The following ATF6 variants were observed in gnomAD, a reference collection of about 807,000 sequenced individuals.
ATF6 encodes activating transcription factor 6.
A neutral mutation model predicts 83.6 loss-of-function variants in ATF6; 53 were observed. That is an observed-to-expected ratio of 0.63 (90% CI 0.51 to 0.80). ATF6 has a LOEUF of 0.80. ATF6 is among the 30% of genes least tolerant of loss of function. The probability of loss-of-function intolerance (pLI) is 0.00; values close to 1 mark genes in which losing one functional copy is unlikely to be tolerated. For missense variants in ATF6, 744 were observed against 797.9 expected (o/e 0.93, Z 0.81); for synonymous variants, 288 against 285.8 (o/e 1.01, Z -0.08).
chr1:161,791,557 C>A lies in ATF6; in HGVS notation c.484+20C>A, dbSNP rs1684882713. 5.1e-6 allele frequency: 8 copies of A among 1,575,938 alleles called. No individual in the cohort carries two copies. The African/African-American group carries it at 5.5e-5, about 11-fold the overall frequency. On this transcript the variant is annotated intron_variant, in intron 5 of 15. Coordinates refer to ENST00000367942, the MANE Select transcript of ATF6 (RefSeq NM_007348.4). Reference sequence around the variant, plus strand: ...AGACTGGTATTACTCTATCTCCTAACTTCTGTTATTTCTATTTCAGATTGA... The same window carrying A: ...AGACTGGTATTACTCTATCTCCTAAATTCTGTTATTTCTATTTCAGATTGA...
intron 7 of ATF6, among the ~76,000 whole-genome samples, chr1:161,804,106 T>C (rs894167575): frequency 8.6e-5 from 13 of 151,564 alleles, no homozygotes; most frequent in African/African-American, 3.2e-4. Context: ...GGTTTTTTGT[T>C]CTTGCGATAG....
intron 14 of ATF6, among the ~76,000 whole-genome samples, chr1:161,865,349 G>A (rs546025462): frequency 3.3e-5 from 5 of 151,962 alleles, no homozygotes; most frequent in South Asian, 2.1e-4. Flanking sequence ...TAGTAGAGAC[G>A]GGGTTTCACC....
rs1685334152 is a variant in ATF6 at position 161,807,863 on chromosome 1, ATCTTTTTT to A, written c.909+5593_909+5600del. Among the ~76,000 whole-genome samples the A allele has an allele frequency of 6.4e-4, 35 of 54,794 alleles. 1 individual carries two copies. The highest frequency in any genetic ancestry group is 8.3e-3 in the Middle Eastern group (1 of 120). The allele number at this position is 54,794 out of a possible 152,430, so 35.9% of individuals were successfully genotyped here. A position where few individuals can be genotyped will look rare whatever the true frequency, so the allele number is the denominator to read the frequency against. The stretch of plus-strand genomic sequence containing the variant: ...TACTTTTTGTACTTTTTAGTTTGTC[ATCTTTTTT>A]TTTTTTTTTTTTTTTTTTTTTTTTT... On this transcript the variant is annotated intron_variant, in intron 7 of 15. Coordinates refer to ENST00000367942, the MANE Select transcript of ATF6 (RefSeq NM_007348.4).
chr1:161,835,504 A>G (rs1686192052), intron 9 of ATF6, among the ~76,000 whole-genome samples: 2 of 152,142 alleles, frequency 1.3e-5, no homozygotes, highest in Admixed American at 1.3e-4. Flanking sequence ...TGTTGTGTGT[A>G]GTTTTGTATT....
chr1:161,946,437 C>G (rs780970104), intron 15 of ATF6, among the ~76,000 whole-genome samples: 64 of 152,186 alleles, frequency 4.2e-4, no homozygotes, highest in Non-Finnish European at 6.9e-4. Flanking sequence ...TCAGTGCCAC[C>G]TATTAGGAAT....
At position 161,958,442 on chromosome 1, in the gene ATF6, G is replaced by A. The variant is rs368796407; in HGVS notation, c.1805-4G>A. On this transcript the variant is annotated splice_region_variant and splice_polypyrimidine_tract_variant and intron_variant, in intron 15 of 15. Transcript: ENST00000367942. ...TTATTCTTTGTGTATATTCCTGTCTGCAGAGAATGTGATCAATGGGCAGGA... is the reference window on the plus strand; with the variant it reads ...TTATTCTTTGTGTATATTCCTGTCTACAGAGAATGTGATCAATGGGCAGGA... The A allele has an allele frequency of 3.2e-5, 51 of 1,595,592 alleles. No individual in the cohort carries two copies. The highest frequency in any genetic ancestry group is 4.3e-5 in the Non-Finnish European group (50 of 1,170,040).
intron 14 of ATF6, among the ~76,000 whole-genome samples, chr1:161,886,518 GTTTATA>G (rs1413354724): frequency 1.3e-5 from 2 of 152,158 alleles, no homozygotes; most frequent in East Asian, 3.9e-4. Context: ...GTATATCTTT[GTTTATA>G]TTTATTTTTT....
chr1:161,923,643 A>G (rs1558027157), intron 15 of ATF6, among the ~76,000 whole-genome samples: 2 of 152,134 alleles, frequency 1.3e-5, no homozygotes, highest in Admixed American at 1.3e-4. Flanking sequence ...TGCATGGGTA[A>G]TTTTTCCATG....
At chr1:161,767,088 G>A (rs980722709) in intron 1 of ATF6, among the ~76,000 whole-genome samples, 2 of 152,126 alleles carry the variant, frequency 1.3e-5, no homozygotes, top group Non-Finnish European at 2.9e-5. Flanking sequence ...GGATGAAGTG[G>A]AAATGAGAAT....
At chr1:161,835,268 C>T (rs1365979929) in intron 9 of ATF6, among the ~76,000 whole-genome samples, 1 of 152,064 alleles carries the variant, frequency 6.6e-6, no homozygotes, top group Admixed American at 6.6e-5. Context: ...GTTGCTCAGG[C>T]TGGTCTCGAA....
intron 15 of ATF6, among the ~76,000 whole-genome samples, chr1:161,921,552 A>G (rs1688212496): frequency 6.6e-6 from 1 of 152,200 alleles, no homozygotes; most frequent in Non-Finnish European, 1.5e-5. Context: ...GATGATTTAT[A>G]AAGGAGAGAG....
At chr1:161,795,868 C>T (rs1250435407) in intron 6 of ATF6, among the ~76,000 whole-genome samples, 1 of 152,222 alleles carries the variant, frequency 6.6e-6, no homozygotes, top group Non-Finnish European at 1.5e-5. Flanking sequence ...TTCACTTGAA[C>T]ATATTGTCAT....
chr1:161,842,366 T>A (rs1223252564), intron 9 of ATF6, among the ~76,000 whole-genome samples: 1 of 152,204 alleles, frequency 6.6e-6, no homozygotes, highest in East Asian at 1.9e-4. Flanking sequence ...CTACTGGGTT[T>A]CTACCCAGAG....
At chr1:161,880,400 A>G (rs1687297414) in intron 14 of ATF6, among the ~76,000 whole-genome samples, 1 of 151,886 alleles carries the variant, frequency 6.6e-6, no homozygotes. Context: ...AGTCAAAATA[A>G]TCAGCATCCC....
chr1:161,908,560 T>C (rs1687923384), intron 14 of ATF6, among the ~76,000 whole-genome samples: 1 of 150,482 alleles, frequency 6.6e-6, no homozygotes, highest in African/African-American at 2.5e-5. Context: ...TAACTTTTTC[T>C]GGGAATAAGA....
At chr1:161,932,619 A>T (rs745726790) in intron 15 of ATF6, among the ~76,000 whole-genome samples, 1 of 152,250 alleles carries the variant, frequency 6.6e-6, no homozygotes, top group Non-Finnish European at 1.5e-5. Context: ...TAGCTCAATG[A>T]ATAATTATAT....
At chr1:161,918,785 G>A (rs1162266637) in intron 15 of ATF6, among the ~76,000 whole-genome samples, 2 of 152,180 alleles carry the variant, frequency 1.3e-5, no homozygotes, top group Non-Finnish European at 2.9e-5. Flanking sequence ...AGTGGAGCTT[G>A]TAAAATTTTG....
At chr1:161,869,719 G>A (rs1365161711) in intron 14 of ATF6, among the ~76,000 whole-genome samples, 1 of 151,710 alleles carries the variant, frequency 6.6e-6, no homozygotes, top group Non-Finnish European at 1.5e-5. Context: ...AGTACCCTAG[G>A]TTAATAAACT....
At chr1:161,901,523 A>G (rs1687787552) in intron 14 of ATF6, among the ~76,000 whole-genome samples, 1 of 151,646 alleles carries the variant, frequency 6.6e-6, no homozygotes, top group African/African-American at 2.4e-5. Flanking sequence ...TGAGAAGAGT[A>G]GCACTGTTTT....
Sources: allele counts gnomAD v4.1 joint callset (sites outside exome capture counted in the v4.1 genomes callset), GRCh38; gene constraint gnomAD v4.1.1; transcripts MANE v1.5; gene names NCBI Gene and HGNC (gene_info 2026-07-23, HGNC 2026-07-21).